The following SPAG16 variants were observed in gnomAD, a reference collection of about 807,000 sequenced individuals.
SPAG16 encodes sperm associated antigen 16, also known as sperm-associated antigen 16 protein.
SPAG16 carries 86 observed loss-of-function variants against 80.4 expected under a neutral mutation model. The ratio of observed to expected loss-of-function variants is 1.07; its 90% CI spans 0.90 to 1.28. The LOEUF is 1.28. Ranked by LOEUF, SPAG16 falls within the 50% of genes most tolerant of loss-of-function variation. The pLI is 0.00. For missense variants in SPAG16, 870 were observed against 765.3 expected, an observed-to-expected ratio of 1.14 and a Z score of -1.61; for synonymous variants, 294 against 265.9, an observed-to-expected ratio of 1.11 and a Z score of -1.03.
intron 12 of SPAG16, among the ~76,000 whole-genome samples, chr2:213,964,027 G>A (rs2106360162): frequency 6.6e-6 from 1 of 152,146 alleles, no homozygotes; most frequent in East Asian, 1.9e-4. Flanking sequence ...AATTTAAATG[G>A]AAGTACATAT....
chr2:214,109,805 G>A (rs2053573392), intron 14 of SPAG16, among the ~76,000 whole-genome samples: 1 of 152,066 alleles, frequency 6.6e-6, no homozygotes. Flanking sequence ...TTCCAGCAGG[G>A]TATGGAAAAA....
At chr2:213,723,130 T>C (rs1021700009) in intron 10 of SPAG16, among the ~76,000 whole-genome samples, 1 of 152,208 alleles carries the variant, frequency 6.6e-6, no homozygotes, top group Non-Finnish European at 1.5e-5. Context: ...TCCTCTCCTA[T>C]GGATAAAGAG....
intron 15 of SPAG16, among the ~76,000 whole-genome samples, chr2:214,176,549 C>A (rs1436702519): frequency 3.3e-5 from 5 of 151,186 alleles, no homozygotes; most frequent in African/African-American, 9.7e-5. Context: ...AATGAAATAA[C>A]CCTATAATTT....
At chr2:214,266,177 A>G (rs895168267) in intron 15 of SPAG16, among the ~76,000 whole-genome samples, 1 of 151,942 alleles carries the variant, frequency 6.6e-6, no homozygotes, top group Non-Finnish European at 1.5e-5. Context: ...AAAGACAGAC[A>G]ACTAATAGGA....
At chr2:213,349,301 A>G (rs558991227) in intron 6 of SPAG16, among the ~76,000 whole-genome samples, 1 of 152,326 alleles carries the variant, frequency 6.6e-6, no homozygotes, top group East Asian at 1.9e-4. Context: ...ACCAAGAAAC[A>G]TGAAGAAATG....
chr2:213,525,309 GA>G (rs1178321384), intron 10 of SPAG16, among the ~76,000 whole-genome samples: 9 of 92,358 alleles, frequency 9.7e-5, no homozygotes, highest in Non-Finnish European at 1.7e-4. Context: ...TTTTTTTTGA[GA>G]CAGAGTCTCG....
chr2:213,338,981 C>T (rs1212949856), intron 5 of SPAG16, among the ~76,000 whole-genome samples: 1 of 151,082 alleles, frequency 6.6e-6, no homozygotes, highest in African/African-American at 2.4e-5. Flanking sequence ...ACATGTTTAC[C>T]TATGTAACAA....
chr2:213,540,382 T>G (rs2076404634), intron 10 of SPAG16, among the ~76,000 whole-genome samples: 2 of 152,102 alleles, frequency 1.3e-5, no homozygotes, highest in South Asian at 4.1e-4. Flanking sequence ...AACTGAATCT[T>G]TATATTACAC....
intron 10 of SPAG16, among the ~76,000 whole-genome samples, chr2:213,592,078 A>T (rs1398358188): frequency 6.6e-6 from 1 of 152,208 alleles, no homozygotes; most frequent in African/African-American, 2.4e-5. Context: ...TTGAAATTTT[A>T]TTCATATTTT....
intron 11 of SPAG16, among the ~76,000 whole-genome samples, chr2:213,888,132 T>C (rs1486272288): frequency 1.3e-5 from 2 of 151,854 alleles, no homozygotes; most frequent in African/African-American, 2.4e-5. Flanking sequence ...AATAGACTTA[T>C]GTTTTCTTAT....
At chr2:214,026,671 G>A (rs2048146098) in intron 13 of SPAG16, among the ~76,000 whole-genome samples, 1 of 151,280 alleles carries the variant, frequency 6.6e-6, no homozygotes, top group African/African-American at 2.4e-5. Flanking sequence ...AATAGCAATT[G>A]ATAAATAAAG....
intron 10 of SPAG16, among the ~76,000 whole-genome samples, chr2:213,731,176 G>GTT (rs2067020291): frequency 7.7e-6 from 1 of 130,264 alleles, no homozygotes; most frequent in African/African-American, 3.0e-5. Flanking sequence ...TTTTTTTTGA[G>GTT]TTGGAGTTTT....
Position 213,837,971 on chromosome 2 carries a change from T to G in SPAG16, c.1071-24514T>G, listed in dbSNP as rs182220124. Among the ~76,000 whole-genome samples the G allele has an allele frequency of 3.2e-4, 48 of 152,214 alleles. No individual in the cohort carries two copies. The East Asian group carries it at 8.5e-3, about 27-fold the overall frequency. On this transcript the variant is annotated intron_variant, in intron 10 of 15. Coordinates refer to ENST00000331683, the MANE Select transcript of SPAG16 (RefSeq NM_024532.5). ...GAATAATTAAGATGCCAAAGAGGCA[T>G]ATTTTAGGGTGAAATATTCCTGTCT...
At chr2:214,012,214 A>C (rs1473600641) in intron 12 of SPAG16, among the ~76,000 whole-genome samples, 1 of 142,642 alleles carries the variant, frequency 7.0e-6, no homozygotes, top group Non-Finnish European at 1.5e-5. Flanking sequence ...TGATTTATAC[A>C]TATGTATATA....
At chr2:214,171,147 G>A (rs993444140) in intron 15 of SPAG16, among the ~76,000 whole-genome samples, 2 of 151,868 alleles carry the variant, frequency 1.3e-5, no homozygotes, top group African/African-American at 2.4e-5. Context: ...ACTTTTCTAA[G>A]ATCATAACAA....
chr2:213,681,009 T>C (rs972908250), intron 10 of SPAG16, among the ~76,000 whole-genome samples: 8 of 152,176 alleles, frequency 5.3e-5, no homozygotes, highest in South Asian at 2.1e-4. Context: ...CCAAGTTTTA[T>C]GGTGCAGAGG....
intron 10 of SPAG16, among the ~76,000 whole-genome samples, chr2:213,516,938 A>G (rs1559211895): frequency 6.6e-6 from 1 of 152,218 alleles, no homozygotes; most frequent in Non-Finnish European, 1.5e-5. Flanking sequence ...CGTTTGCATT[A>G]AAACATTTCT....
intron 12 of SPAG16, among the ~76,000 whole-genome samples, chr2:214,000,455 TG>T (rs2046740516): frequency 6.6e-6 from 1 of 152,194 alleles, no homozygotes; most frequent in Non-Finnish European, 1.5e-5. Context: ...ATCAGCAGCA[TG>T]AAAACAGACT....
At chr2:213,531,846 A>T (rs1049608112) in intron 10 of SPAG16, among the ~76,000 whole-genome samples, 28 of 152,146 alleles carry the variant, frequency 1.8e-4, no homozygotes, top group Admixed American at 1.2e-3. Context: ...GGAAGTCATG[A>T]TCTATTGCAC....
Sources: allele counts gnomAD v4.1 joint callset (sites outside exome capture counted in the v4.1 genomes callset), GRCh38; gene constraint gnomAD v4.1.1; transcripts MANE v1.5; gene names NCBI Gene and HGNC (gene_info 2026-07-23, HGNC 2026-07-21).